Variants in ATPAF1 observed in about 807,000 individuals in gnomAD.
ATPAF1 encodes the protein ATP synthase mitochondrial F1 complex assembly factor 1, also known as homolog of yeast ATP11.
ATPAF1 carries 26 observed loss-of-function variants against 43.9 expected under a neutral mutation model. The observed-to-expected ratio is 0.59, with a 90% CI of 0.43 to 0.82. ATPAF1 has a LOEUF of 0.82. ATPAF1 is among the 40% of genes least tolerant of loss of function. The pLI is 0.00. For synonymous variants in ATPAF1, 157 were observed against 168.0 expected (o/e 0.93, Z 0.50); for missense variants, 366 against 435.0 (o/e 0.84, Z 1.41).
intron 8 of ATPAF1, among the ~76,000 whole-genome samples, chr1:46,642,235 AG>A (rs1675963399): frequency 6.6e-6 from 1 of 152,178 alleles, no homozygotes; most frequent in Admixed American, 6.5e-5. Context: ...ACTGTGTCCT[AG>A]GTTTGTGGGT....
At chr1:46,644,767 C>A (rs1342699206) in intron 7 of ATPAF1, among the ~76,000 whole-genome samples, 1 of 151,884 alleles carries the variant, frequency 6.6e-6, no homozygotes, top group Non-Finnish European at 1.5e-5. Context: ...ATTCACTTAG[C>A]ATGTTGGAAG....
At chr1:46,652,527 A>T in intron 6 of ATPAF1, 54 bp downstream of exon 6, 2 of 1,551,990 alleles carry the variant, frequency 1.3e-6, no homozygotes, top group Non-Finnish European at 1.8e-6. Context: ...GGGCTGGAAA[A>T]TACTTGTTTG....
exon 9 of ATPAF1, chr1:46,635,379 G>A (rs1675818225): frequency 5.7e-6 from 1 of 176,326 alleles, no homozygotes; most frequent in Non-Finnish European, 1.2e-5. Flanking sequence ...ACTACAGCAG[G>A]TCTTCAAGCT....
intron 8 of ATPAF1, among the ~76,000 whole-genome samples, chr1:46,638,350 G>A (rs1005808451): frequency 2.0e-5 from 3 of 152,168 alleles, no homozygotes; most frequent in African/African-American, 7.2e-5. Context: ...CAGGCGTGGT[G>A]GCTCACGCCT....
chr1:46,650,942 C>T (rs571923659), intron 6 of ATPAF1, among the ~76,000 whole-genome samples: 79 of 152,062 alleles, frequency 5.2e-4, no homozygotes, highest in African/African-American at 1.9e-3. Flanking sequence ...TAGTGTTCTA[C>T]GGCACTATGG....
chr1:46,657,653 T>G (rs1280488925), intron 4 of ATPAF1, among the ~76,000 whole-genome samples: 2 of 152,156 alleles, frequency 1.3e-5, no homozygotes, highest in Non-Finnish European at 2.9e-5. Flanking sequence ...CCCAGACAAG[T>G]TGATTAACTT....
rs1150068 is a variant in ATPAF1, at chr1:46,653,246, A to G, written c.540+571T>C. ...GTACTTCAGATGCTTTATTATAGTG[A>G]AGGCCAGCAAAACATTAAACCAGAG... On this transcript the variant is annotated intron_variant, in intron 5 of 8. Coordinates refer to ENST00000574428, the Ensembl canonical transcript of ATPAF1. The surrounding 1 kb of genome is among the most constrained non-coding windows in gnomAD (Gnocchi z 4.8). Among the ~76,000 whole-genome samples, 63,407 of 151,830 alleles carry G rather than the reference A, an allele frequency of 0.42. 15,555 individuals carry two copies. The highest frequency in any genetic ancestry group is 0.78 in the East Asian group (3,997 of 5,136).
chr1:46,668,548 C>T (rs1676538532), upstream of ATPAF1: 1 of 444,830 alleles, frequency 2.2e-6, no homozygotes, highest in Non-Finnish European at 3.2e-6. This position sits in a 1 kb window ranked among gnomAD's most constrained non-coding sequence, Gnocchi z 4.4. Flanking sequence ...TGCCACGGCC[C>T]GCCTCCTCCA....
At chr1:46,659,831 T>TAGA (rs1429652782) in intron 2 of ATPAF1, among the ~76,000 whole-genome samples, 2 of 152,234 alleles carry the variant, frequency 1.3e-5, no homozygotes, top group Non-Finnish European at 2.9e-5. Flanking sequence ...ATGATGGTCA[T>TAGA]AGAACCTGTA....
intron 2 of ATPAF1, among the ~76,000 whole-genome samples, chr1:46,663,182 T>A (rs1382227649): frequency 2.6e-5 from 4 of 152,252 alleles, no homozygotes; most frequent in African/African-American, 9.6e-5. Flanking sequence ...CAGTCTATCA[T>A]TGTTGGACAT....
chr1:46,655,838 CTATTT>C (rs1321710983), intron 4 of ATPAF1, among the ~76,000 whole-genome samples: 1 of 152,162 alleles, frequency 6.6e-6, no homozygotes, highest in Admixed American at 6.5e-5. Context: ...AGCTGCTTTT[CTATTT>C]TATTTATTTC....
chr1:46,643,385 A>G (rs1345187525), intron 7 of ATPAF1, 84 bp from the exon 8 acceptor site: 2 of 1,125,506 alleles, frequency 1.8e-6, no homozygotes, highest in African/African-American at 1.6e-5. Context: ...GTCTAGAGGA[A>G]ATTCTGGCTC....
intron 7 of ATPAF1, among the ~76,000 whole-genome samples, chr1:46,644,897 G>C: frequency 6.6e-6 from 1 of 152,198 alleles, no homozygotes; most frequent in East Asian, 1.9e-4. Context: ...GGCACATGCA[G>C]TATATACAAC....
rs57700546 is a variant in ATPAF1 at position 46,654,528 on chromosome 1, T to TTTATTATTATTA, written c.490-673_490-662dup. 3.1e-3 allele frequency among the ~76,000 whole-genome samples: 426 copies of TTTATTATTATTA among 135,250 alleles called. 3 individuals carry two copies. Among genetic ancestry groups the TTTATTATTATTA allele is most frequent in the South Asian group, 3.9e-3 (16 of 4,078 alleles). 88.7% of individuals were successfully genotyped at this position (135,250 alleles called of 152,430 possible). A position where few individuals can be genotyped will look rare whatever the true frequency, so the allele number is the denominator to read the frequency against. On this transcript the variant is annotated intron_variant, in intron 4 of 8. Coordinates refer to ENST00000574428, the Ensembl canonical transcript of ATPAF1. ...TGAGACTGGGCAATTTATTTATTTA[T>TTTATTATTATTA]TTATTATTATTATTATTATTATTAT...
intron 1 of ATPAF1, 54 bp from the exon 2 acceptor site, chr1:46,665,418 A>G (rs1676472821): frequency 6.5e-7 from 1 of 1,539,236 alleles, no homozygotes; most frequent in African/African-American, 1.4e-5. Context: ...GAATTCTAAA[A>G]TAACAAAGCA....
rs1676208464 is a variant in ATPAF1, at chr1:46,653,494, C to G, written c.540+323G>C. 6.6e-6 allele frequency among the ~76,000 whole-genome samples: 1 copy of G among 152,120 alleles called. No individual in the cohort carries two copies. Among genetic ancestry groups the G allele is most frequent in the African/African-American group, 2.4e-5 (1 of 41,416 alleles). ...TGTGCTAGAGGCCCTGTCTTAAATT[C>G]CAACAGCTTGGTTGGAAAACATCAG... On this transcript the variant is annotated intron_variant, in intron 5 of 8. Transcript: ENST00000574428. This position sits in a 1 kb window ranked among gnomAD's most constrained non-coding sequence, Gnocchi z 4.8.
upstream of ATPAF1, chr1:46,668,462 T>C (rs1031504750): frequency 9.4e-7 from 1 of 1,060,302 alleles, no homozygotes; most frequent in Non-Finnish European, 1.2e-6. The surrounding 1 kb of genome is among the most constrained non-coding windows in gnomAD (Gnocchi z 4.4). Flanking sequence ...GGGCGCGGGA[T>C]AGCGGCGAGG....
rs766071022 is a variant in ATPAF1 at position 46,658,120 on chromosome 1, T to C, written c.489+7A>G. 8 of 1,609,302 alleles carry C rather than the reference T, an allele frequency of 5.0e-6. No individual in the cohort carries two copies. Among genetic ancestry groups the C allele is most frequent in the Middle Eastern group, 3.3e-4 (2 of 6,050 alleles). On this transcript the variant is annotated splice_region_variant and intron_variant, in intron 4 of 8. Coordinates refer to ENST00000574428, the Ensembl canonical transcript of ATPAF1. Reference sequence around the variant, plus strand: ...ATAGAGTAGGCCAGCCCATTTCCATTCATTACCTGTTTTATTTCTTCTGCA... The same window carrying C: ...ATAGAGTAGGCCAGCCCATTTCCATCCATTACCTGTTTTATTTCTTCTGCA...
At chr1:46,665,233 C>A (rs1379388043) in intron 2 of ATPAF1, 23 bp downstream of exon 2, 2 of 1,611,724 alleles carry the variant, frequency 1.2e-6, no homozygotes, top group African/African-American at 1.3e-5. Flanking sequence ...TAAGCAAACA[C>A]CACAAATGGG....
Sources: allele counts gnomAD v4.1 joint callset (sites outside exome capture counted in the v4.1 genomes callset), GRCh38; gene constraint gnomAD v4.1.1; non-coding constraint Gnocchi (gnomAD v3.1); transcripts MANE v1.5; gene names NCBI Gene and HGNC (gene_info 2026-07-23, HGNC 2026-07-21).